LRP1B: variants seen among roughly 807,000 people sequenced by gnomAD.
LRP1B encodes the protein LDL receptor related protein 1B.
A neutral mutation model predicts 556.6 loss-of-function variants in LRP1B; 217 were observed. The observed-to-expected ratio is 0.39, with a 90% CI of 0.35 to 0.44. The LOEUF (loss-of-function observed/expected upper bound fraction) is 0.44, where lower values mean the gene tolerates loss of function less well. Ranked by LOEUF, LRP1B falls within the 20% of genes least tolerant of loss-of-function variation. LRP1B has a pLI of 1.00. For missense variants in LRP1B, 5,053 were observed against 5,620.8 expected, an observed-to-expected ratio of 0.90 and a Z score of 3.23; for synonymous variants, 2,047 against 1,865.8, an observed-to-expected ratio of 1.10 and a Z score of -2.50.
At chr2:141,137,633 A>G (rs1243108177) in intron 7 of LRP1B, among the ~76,000 whole-genome samples, 2 of 151,958 alleles carry the variant, frequency 1.3e-5, no homozygotes, top group Non-Finnish European at 2.9e-5. Context: ...TAATATTGCA[A>G]TAAAGCTGAG....
At chr2:141,048,050 C>T (rs1203928612) in intron 11 of LRP1B, among the ~76,000 whole-genome samples, 1 of 152,104 alleles carries the variant, frequency 6.6e-6, no homozygotes, top group Non-Finnish European at 1.5e-5. Flanking sequence ...GTGCTTATAT[C>T]ATCTCCAAAG....
intron 1 of LRP1B, among the ~76,000 whole-genome samples, chr2:142,005,084 T>C (rs1702762088): frequency 6.7e-6 from 1 of 148,372 alleles, no homozygotes; most frequent in South Asian, 2.1e-4. Context: ...TATTTAGTAC[T>C]ATGTAAACTA....
intron 1 of LRP1B, among the ~76,000 whole-genome samples, chr2:141,855,625 CT>C (rs1698025819): frequency 6.6e-6 from 1 of 152,086 alleles, no homozygotes; most frequent in South Asian, 2.1e-4. Context: ...GCCACAATTC[CT>C]GTTCTCCACT....
Position 140,465,054 on chromosome 2 carries a change from G to T in LRP1B, c.9626-7403C>A, listed in dbSNP as rs1687486333. Among the ~76,000 whole-genome samples, 3 of 152,130 alleles carry T rather than the reference G, an allele frequency of 2.0e-5. No homozygotes were observed. In the South Asian group the frequency reaches 6.2e-4, roughly 32 times the overall value. On this transcript the variant is annotated intron_variant, in intron 60 of 90. Transcript: ENST00000389484. ...AGAAAAGAGGCTTAATTGGCTCATG[G>T]TTCTTCAAGGTTTACAAGCAGCATG...
rs1277324081 is a variant in LRP1B at position 140,516,994 on chromosome 2, A to G, written c.8044T>C (p.Cys2682Arg). ...GGACAACTAAAATAATTTTCTTCAC[A>G]TTTGTGTTTGTTTTGAACTGTGATA... ...LKCPVQNKHK[C>R]EENYFSCPSG... The change falls in exon 50 of 91, where the codon TGT becomes CGT. Residue 2682 changes from cysteine (C) to arginine (R), a missense_variant. Cys to Arg is a radical substitution (Grantham distance 180). Coordinates refer to ENST00000389484, the MANE Select transcript of LRP1B (RefSeq NM_018557.3). 6.3e-7 allele frequency: 1 copy of G among 1,593,938 alleles called. No individual in the cohort carries two copies. Among genetic ancestry groups the G allele is most frequent in the South Asian group, 1.1e-5 (1 of 90,696 alleles).
intron 1 of LRP1B, among the ~76,000 whole-genome samples, chr2:142,030,831 C>G (rs1335503828): frequency 6.6e-6 from 1 of 151,826 alleles, no homozygotes; most frequent in Non-Finnish European, 1.5e-5. Flanking sequence ...GCTGGTTGTT[C>G]TAACTGTTTA....
intron 86 of LRP1B, among the ~76,000 whole-genome samples, chr2:140,261,069 A>AT (rs59691574): frequency 9.9e-5 from 15 of 150,812 alleles, no homozygotes; most frequent in African/African-American, 3.4e-4. Context: ...ATATATATAT[A>AT]ATATATATGA....
chr2:142,099,131 A>G (rs1706481476), intron 1 of LRP1B, among the ~76,000 whole-genome samples: 2 of 151,866 alleles, frequency 1.3e-5, no homozygotes, highest in Non-Finnish European at 1.5e-5. Context: ...TGTACACTTC[A>G]TCTAATCTTC....
rs1299412172 is a variant in LRP1B at position 141,229,271 on chromosome 2, T to C, written c.762A>G (p.Glu254=). Reference sequence around the variant, plus strand: ...GGATACATTTGAGTTGATTTGAAGATTCTCTTGATTCAATCCAACAAATCA... The same window carrying C: ...GGATACATTTGAGTTGATTTGAAGACTCTCTTGATTCAATCCAACAAATCA... ...EDMICWIESR[E]SSNQLKCIQI... is the part of the protein sequence containing the mutation. Residue 254 remains glutamate (E), a synonymous_variant, in exon 6 of 91, where the codon GAA becomes GAG. Coordinates refer to ENST00000389484, the MANE Select transcript of LRP1B (RefSeq NM_018557.3). 6.2e-7 allele frequency: 1 copy of C among 1,611,204 alleles called. No individual in the cohort carries two copies. Among genetic ancestry groups the C allele is most frequent in the East Asian group, 2.2e-5 (1 of 44,764 alleles).
intron 2 of LRP1B, among the ~76,000 whole-genome samples, chr2:141,495,379 C>T (rs556261694): frequency 8.5e-5 from 13 of 152,090 alleles, no homozygotes; most frequent in East Asian, 3.9e-4. Flanking sequence ...AAATGGTCAA[C>T]GGGATCTGAA....
At chr2:141,299,355 A>T (rs1686302652) in intron 3 of LRP1B, among the ~76,000 whole-genome samples, 1 of 152,220 alleles carries the variant, frequency 6.6e-6, no homozygotes, top group Non-Finnish European at 1.5e-5. Context: ...AATATATGTT[A>T]AGAATTTTTG....
rs72899872 is a variant in LRP1B at position 140,475,231 on chromosome 2, C to T, written c.9532G>A (p.Ala3178Thr). The change falls in exon 60 of 91, where the codon GCA (alanine) becomes ACA (threonine). Residue 3178 changes from alanine to threonine, a missense_variant. Coordinates refer to ENST00000389484, the MANE Select transcript of LRP1B (RefSeq NM_018557.3). ...CGATTAACATAATCTATTGTTAGTG[C>T]CATAGGTCTAGAAATCTTGGTTTCT... ...VIETKISRPM[A>T]LTIDYVNRRL... The T allele has an allele frequency of 0.01, 16,670 of 1,611,808 alleles. 111 individuals are homozygous for T. The highest frequency in any genetic ancestry group is 0.011 in the Non-Finnish European group (12,716 of 1,178,558).
At chr2:140,677,376 A>C (rs572008028) in intron 41 of LRP1B, among the ~76,000 whole-genome samples, 1 of 152,298 alleles carries the variant, frequency 6.6e-6, no homozygotes, top group Admixed American at 6.5e-5. Flanking sequence ...GAAAGAGAGC[A>C]ATTTGTTTAT....
At chr2:141,903,782 G>T (rs1308225611) in intron 1 of LRP1B, among the ~76,000 whole-genome samples, 1 of 151,848 alleles carries the variant, frequency 6.6e-6, no homozygotes, top group African/African-American at 2.4e-5. Context: ...CCAAAAATGT[G>T]ATAACAAATA....
intron 1 of LRP1B, among the ~76,000 whole-genome samples, chr2:141,943,414 T>A (rs549459469): frequency 5.3e-5 from 8 of 152,318 alleles, no homozygotes; most frequent in Admixed American, 3.3e-4. Context: ...CCCTGCTAAG[T>A]AAAATAAATG....
chr2:140,871,005 A>T lies in LRP1B; in HGVS notation c.4170-2742T>A, dbSNP rs543298550. ...TTATGTTTATAAACATAGTAATTACATATGCTAAAAGAGTATGGCAAAAAG... is the reference window on the plus strand; with the variant it reads ...TTATGTTTATAAACATAGTAATTACTTATGCTAAAAGAGTATGGCAAAAAG... On this transcript the variant is annotated intron_variant, in intron 25 of 90. Transcript: ENST00000389484. Among the ~76,000 whole-genome samples, 41 of 152,306 alleles carry T rather than the reference A, an allele frequency of 2.7e-4. 2 individuals carry two copies. The highest frequency in any genetic ancestry group is 1.5e-4 in the Non-Finnish European group (10 of 68,006).
intron 1 of LRP1B, among the ~76,000 whole-genome samples, chr2:142,071,294 T>C (rs1705301364): frequency 1.3e-5 from 2 of 151,990 alleles, no homozygotes; most frequent in Non-Finnish European, 2.9e-5. Context: ...ATATATTTTT[T>C]AGTTCTGTTC....
At chr2:141,334,781 A>G (rs923222439) in intron 3 of LRP1B, among the ~76,000 whole-genome samples, 1 of 152,082 alleles carries the variant, frequency 6.6e-6, no homozygotes, top group Non-Finnish European at 1.5e-5. Flanking sequence ...TGAACTCCTG[A>G]CCTCAGATGA....
intron 66 of LRP1B, among the ~76,000 whole-genome samples, chr2:140,392,317 C>A (rs1195713130): frequency 1.3e-5 from 2 of 152,104 alleles, no homozygotes; most frequent in Non-Finnish European, 2.9e-5. Flanking sequence ...TTCAACCTGG[C>A]AATCTAAACG....
Sources: allele counts gnomAD v4.1 joint callset (sites outside exome capture counted in the v4.1 genomes callset), GRCh38; gene constraint gnomAD v4.1.1; transcripts MANE v1.5; gene names NCBI Gene and HGNC (gene_info 2026-07-23, HGNC 2026-07-21).